The following SPIDR variants were observed in gnomAD, a reference collection of about 807,000 sequenced individuals.
SPIDR encodes the protein scaffold protein involved in DNA repair.
In SPIDR, 93 loss-of-function variants were observed where a neutral mutation model predicts 104.6. That is an observed-to-expected ratio of 0.89 (90% CI 0.75 to 1.06). The LOEUF is 1.06. Among genes scored for constraint, SPIDR ranks in the 50% least tolerant of loss-of-function variants. The probability of loss-of-function intolerance (pLI) is 0.00; values close to 1 mark genes in which losing one functional copy is unlikely to be tolerated. For missense variants in SPIDR, 1,154 were observed against 1,111.2 expected (o/e 1.04, Z -0.55); for synonymous variants, 431 against 416.9 (o/e 1.03, Z -0.41).
chr8:47,267,972 A>C (rs28749254), intron 1 of SPIDR, among the ~76,000 whole-genome samples: 4,022 of 152,314 alleles, frequency 0.026, 287 homozygotes, highest in Admixed American at 0.15. Context: ...TTTAGCTCTT[A>C]CATTTAGGTC....
At chr8:47,640,618 A>T (rs981164143) in intron 10 of SPIDR, among the ~76,000 whole-genome samples, 3 of 152,134 alleles carry the variant, frequency 2.0e-5, no homozygotes, top group Non-Finnish European at 2.9e-5. Context: ...AGTAAGTATG[A>T]AAAGTATAAA....
In SPIDR at chr8:47,363,199, CTTTTTTT is replaced by C. The variant is rs34705214; in HGVS notation, c.526-33159_526-33153del. 3.6e-4 allele frequency among the ~76,000 whole-genome samples: 29 copies of C among 79,714 alleles called. 1 individual carries two copies. The highest frequency in any genetic ancestry group is 2.5e-3 in the East Asian group (7 of 2,774). 52.3% of individuals were successfully genotyped at this position (79,714 alleles called of 152,430 possible). A position where few individuals can be genotyped will look rare whatever the true frequency, so the allele number is the denominator to read the frequency against. ...TAAAGCTGTTTTTTTCTTTATCTCT[CTTTTTTT>C]TTTTTTTTTTTTTTTTTGAGACAGA... On this transcript the variant is annotated intron_variant, in intron 5 of 19. Coordinates refer to ENST00000297423, the MANE Select transcript of SPIDR (RefSeq NM_001080394.4).
At chr8:47,636,494 C>T (rs779862507) in intron 10 of SPIDR, among the ~76,000 whole-genome samples, 1 of 152,112 alleles carries the variant, frequency 6.6e-6, no homozygotes, top group Non-Finnish European at 1.5e-5. Context: ...ATGGCAAAAG[C>T]CAAGACAGAT....
intron 5 of SPIDR, among the ~76,000 whole-genome samples, chr8:47,368,569 T>C (rs1587796240): frequency 6.6e-6 from 1 of 152,260 alleles, no homozygotes; most frequent in African/African-American, 2.4e-5. Flanking sequence ...TGTATGGGCA[T>C]GTTTTTCATG....
intron 10 of SPIDR, among the ~76,000 whole-genome samples, chr8:47,646,913 A>G (rs1484193881): frequency 3.3e-5 from 5 of 152,208 alleles, no homozygotes; most frequent in Non-Finnish European, 5.9e-5. Context: ...GGAAAGCAGT[A>G]TATACAGCAA....
At chr8:47,728,863 G>A in intron 17 of SPIDR, 70 bp from the exon 18 acceptor site, 6 of 1,519,964 alleles carry the variant, frequency 3.9e-6, no homozygotes, top group Non-Finnish European at 5.3e-6. Flanking sequence ...TTAAGAAAAT[G>A]TCTCCCACTG....
At position 47,423,636 on chromosome 8, in the gene SPIDR, C is replaced by T. The variant is rs555525076; in HGVS notation, c.877+15675C>T. Among the ~76,000 whole-genome samples, 16 of 152,174 alleles carry T rather than the reference C, an allele frequency of 1.1e-4. No homozygotes were observed. In the South Asian group the frequency reaches 3.1e-3, roughly 30 times the overall value. On this transcript the variant is annotated intron_variant, in intron 7 of 19. Transcript: ENST00000297423. ...TAAAAATAAAAAAATAAAAGAGCAG[C>T]AAAAAGCACAGATGTTGCACCCAAA...
At chr8:47,418,552 A>C (rs549006199) in intron 7 of SPIDR, among the ~76,000 whole-genome samples, 1 of 152,318 alleles carries the variant, frequency 6.6e-6, no homozygotes, top group East Asian at 1.9e-4. Flanking sequence ...ATATACAATC[A>C]TGTCATCTGC....
At chr8:47,691,290 CAAAAAA>C (rs60147394) in intron 11 of SPIDR, among the ~76,000 whole-genome samples, 5 of 86,630 alleles carry the variant, frequency 5.8e-5, no homozygotes, top group Middle Eastern at 6.5e-3. Flanking sequence ...GACTCCGTCT[CAAAAAA>C]AAAAAAAAAA....
At chr8:47,602,323 T>C (rs925824449) in intron 10 of SPIDR, among the ~76,000 whole-genome samples, 1 of 152,210 alleles carries the variant, frequency 6.6e-6, no homozygotes, top group African/African-American at 2.4e-5. Context: ...CCCTTTCAAC[T>C]AAAGGCAGCT....
At chr8:47,593,517 T>C (rs1001733806) in intron 8 of SPIDR, among the ~76,000 whole-genome samples, 1 of 152,246 alleles carries the variant, frequency 6.6e-6, no homozygotes, top group Non-Finnish European at 1.5e-5. Flanking sequence ...TAACTGTCTT[T>C]ATTCATTCAA....
chr8:47,273,349 A>G (rs1311298856), intron 1 of SPIDR, among the ~76,000 whole-genome samples: 1 of 152,252 alleles, frequency 6.6e-6, no homozygotes, highest in African/African-American at 2.4e-5. Context: ...ATTCAGTAGA[A>G]GCAGATGAAC....
intron 8 of SPIDR, among the ~76,000 whole-genome samples, chr8:47,582,527 TAA>T (rs1357990490): frequency 1.3e-5 from 2 of 152,136 alleles, no homozygotes; most frequent in African/African-American, 4.8e-5. Context: ...TACTTTTTCT[TAA>T]GTCTATTAAA....
intron 8 of SPIDR, among the ~76,000 whole-genome samples, chr8:47,459,895 A>G (rs1586074046): frequency 1.3e-5 from 2 of 152,288 alleles, no homozygotes; most frequent in African/African-American, 4.8e-5. Context: ...CTGTTGACCC[A>G]GTAATCATTC....
chr8:47,687,648 A>G (rs1010278520), intron 11 of SPIDR, among the ~76,000 whole-genome samples: 4 of 152,240 alleles, frequency 2.6e-5, no homozygotes, highest in African/African-American at 4.8e-5. Context: ...CTGTAATTCA[A>G]TAAACATGGT....
chr8:47,490,446 C>T lies in SPIDR; in HGVS notation c.1097+49904C>T, dbSNP rs573169376. Reference sequence around the variant, plus strand: ...TGTGGAAGACAGTGTGGCGATTCCTCAAGGATCTAGAACTAGAAATACCAT... The same window carrying T: ...TGTGGAAGACAGTGTGGCGATTCCTTAAGGATCTAGAACTAGAAATACCAT... On this transcript the variant is annotated intron_variant, in intron 8 of 19. Coordinates refer to ENST00000297423, the MANE Select transcript of SPIDR (RefSeq NM_001080394.4). Among the ~76,000 whole-genome samples the T allele has an allele frequency of 2.6e-5, 4 of 152,302 alleles. No homozygotes were observed. The East Asian group carries it at 7.7e-4, about 29-fold the overall frequency.
At chr8:47,434,394 A>T (rs928707536) in intron 7 of SPIDR, among the ~76,000 whole-genome samples, 3 of 152,302 alleles carry the variant, frequency 2.0e-5, no homozygotes, top group African/African-American at 7.2e-5. Flanking sequence ...TGAAGAAGAC[A>T]AAAGTACCAA....
chr8:47,691,853 C>T (rs1045713857), intron 11 of SPIDR, among the ~76,000 whole-genome samples: 1 of 152,234 alleles, frequency 6.6e-6, no homozygotes, highest in Non-Finnish European at 1.5e-5. Flanking sequence ...AGCGCAACCA[C>T]TCCAAAAGTA....
At chr8:47,730,174 C>T (rs1296357298) in intron 19 of SPIDR, among the ~76,000 whole-genome samples, 1 of 152,030 alleles carries the variant, frequency 6.6e-6, no homozygotes, top group African/African-American at 2.4e-5. Context: ...ATGTGACTGT[C>T]CTGCCCTGAG....
Sources: allele counts gnomAD v4.1 joint callset (sites outside exome capture counted in the v4.1 genomes callset), GRCh38; gene constraint gnomAD v4.1.1; transcripts MANE v1.5; gene names NCBI Gene and HGNC (gene_info 2026-07-23, HGNC 2026-07-21).